The following ZNF107 variants were observed in gnomAD, a reference collection of about 807,000 sequenced individuals.
ZNF107 encodes the protein zinc finger protein 107.
In ZNF107, 19 loss-of-function variants were observed where a neutral mutation model predicts 12.3. That is an observed-to-expected ratio of 1.55 (90% confidence interval 1.08 to 2.27). ZNF107 has a LOEUF of 2.27. ZNF107 is among the 30% of genes most tolerant of loss of function. The probability of loss-of-function intolerance (pLI) is 0.00; values close to 1 mark genes in which losing one functional copy is unlikely to be tolerated. For missense variants in ZNF107, 958 were observed against 979.9 expected (o/e 0.98, Z 0.30); for synonymous variants, 317 against 330.5 (o/e 0.96, Z 0.44).
At chr7:64,678,780 A>G (rs1789529004) in intron 1 of ZNF107, among the ~76,000 whole-genome samples, 1 of 152,136 alleles carries the variant, frequency 6.6e-6, no homozygotes, top group Non-Finnish European at 1.5e-5. Flanking sequence ...TAGAGATAAT[A>G]TTAGGGAAGC....
chr7:64,702,790 C>T (rs1303985897), intron 3 of ZNF107, among the ~76,000 whole-genome samples: 1 of 151,354 alleles, frequency 6.6e-6, no homozygotes, highest in Non-Finnish European at 1.5e-5. Flanking sequence ...CTCTCCCGAC[C>T]TCAGGTGATT....
At chr7:64,667,955 A>AC in intron 1 of ZNF107, among the ~76,000 whole-genome samples, 2 of 151,378 alleles carry the variant, frequency 1.3e-5, no homozygotes, top group East Asian at 3.9e-4. Context: ...AGAAGACAAA[A>AC]AAAAAAAAAA....
chr7:64,697,547 T>A (rs779538690), intron 3 of ZNF107, among the ~76,000 whole-genome samples: 1 of 152,232 alleles, frequency 6.6e-6, no homozygotes, highest in Non-Finnish European at 1.5e-5. Context: ...CTTCAGCCTT[T>A]TGGCTTTTGT....
At chr7:64,666,662 G>T (rs1016215599) in intron 1 of ZNF107, among the ~76,000 whole-genome samples, 6 of 152,192 alleles carry the variant, frequency 3.9e-5, no homozygotes, top group African/African-American at 1.4e-4. Flanking sequence ...CGGGGTTCAT[G>T]AATGGGAAAA....
At position 64,691,882 on chromosome 7, in the gene ZNF107, C is replaced by G; in HGVS notation, c.148C>G (p.Pro50Ala). 1 of 1,488,066 alleles carries G rather than the reference C, an allele frequency of 6.7e-7. No individual in the cohort carries two copies. Among genetic ancestry groups the G allele is most frequent in the Non-Finnish European group, 8.9e-7 (1 of 1,126,028 alleles). 92.2% of individuals were successfully genotyped at this position (1,488,066 alleles called of 1,614,324 possible). ...TAAAACAGGTATTGCTGTCTCTAAG[C>G]CATATCTGATCACCTGTCTGGAGCA... Reference protein sequence around the residue: ...LVFLGIAVSKPYLITCLEQKK... With the variant: ...LVFLGIAVSKAYLITCLEQKK... Residue 50 changes from proline to alanine, a missense_variant, in exon 3 of 4, where the codon CCA becomes GCA. By Grantham distance (27) the Pro-to-Ala change is conservative. Transcript: ENST00000620827.
At chr7:64,695,478 A>G (rs1338254769) in intron 3 of ZNF107, among the ~76,000 whole-genome samples, 3 of 152,166 alleles carry the variant, frequency 2.0e-5, no homozygotes, top group Non-Finnish European at 4.4e-5. Flanking sequence ...GTAGTTCCAT[A>G]TTAGTGTGGT....
At chr7:64,667,765 A>G (rs1301173131) in intron 1 of ZNF107, among the ~76,000 whole-genome samples, 1 of 152,034 alleles carries the variant, frequency 6.6e-6, no homozygotes, top group East Asian at 1.9e-4. Flanking sequence ...CTCCTGGTAT[A>G]CCCTTCCTTT....
At chr7:64,671,735 A>C (rs1378004549) in intron 1 of ZNF107, among the ~76,000 whole-genome samples, 1 of 151,272 alleles carries the variant, frequency 6.6e-6, no homozygotes, top group Non-Finnish European at 1.5e-5. Flanking sequence ...TCGCTGAGAT[A>C]CTAAGCATAG....
rs1488077395 is a variant in ZNF107, at chr7:64,706,643, T to G, written c.546T>G (p.Phe182Leu). Reference protein sequence around the residue: ...HFKCKECSKSFCVLSQLTQHR... With the variant: ...HFKCKECSKSLCVLSQLTQHR... ...AATGTAAAGAATGTAGCAAATCATT[T>G]TGCGTGCTTTCACAACTAACTCAGC... The change falls in exon 4 of 4, where the codon TTT becomes TTG. Residue 182 changes from phenylalanine to leucine, a missense_variant. Coordinates refer to ENST00000620827, the MANE Select transcript of ZNF107 (RefSeq NM_001282359.2). 6.2e-7 allele frequency: 1 copy of G among 1,613,392 alleles called. No individual in the cohort carries two copies. Among genetic ancestry groups the G allele is most frequent in the Non-Finnish European group, 8.5e-7 (1 of 1,179,662 alleles).
chr7:64,675,963 T>C (rs1248745577), intron 1 of ZNF107, among the ~76,000 whole-genome samples: 2 of 152,192 alleles, frequency 1.3e-5, no homozygotes, highest in Non-Finnish European at 2.9e-5. Context: ...AGTGATTCTG[T>C]GCCTCAGCCT....
intron 3 of ZNF107, among the ~76,000 whole-genome samples, chr7:64,705,631 T>C (rs1425995111): frequency 1.3e-5 from 2 of 151,924 alleles, no homozygotes; most frequent in African/African-American, 2.4e-5. Context: ...CCATTTGTCT[T>C]GAGTAGTGAT....
intron 1 of ZNF107, chr7:64,686,849 A>C: frequency 1.0e-6 from 1 of 974,224 alleles, no homozygotes; most frequent in Non-Finnish European, 1.2e-6. Context: ...GATTCAGCCC[A>C]CTAACACCCA....
At chr7:64,702,693 G>A (rs1234138341) in intron 3 of ZNF107, among the ~76,000 whole-genome samples, 1 of 152,048 alleles carries the variant, frequency 6.6e-6, no homozygotes, top group African/African-American at 2.4e-5. Context: ...GAGTAGCTGG[G>A]ATTACAGACA....
At position 64,707,739 on chromosome 7, in the gene ZNF107, C is replaced by T. The variant is rs144563988; in HGVS notation, c.1642C>T (p.Arg548Ter). The change falls in exon 4 of 4, where the codon CGA (arginine) becomes TGA (stop). Residue 548 changes from arginine (R) to a stop codon, truncating the protein, a stop_gained. Transcript: ENST00000620827. LOFTEE classifies it low-confidence loss of function (END_TRUNC). ...TGAGGAATGTGGCAAAGCTTTTAAC[C>T]GATTCTCAACCCTTACTAAACATAA... ...KCEECGKAFN[R>*]FSTLTKHKRI... 20 of 1,612,290 alleles carry T rather than the reference C, an allele frequency of 1.2e-5. No individual in the cohort carries two copies. Among genetic ancestry groups the T allele is most frequent in the East Asian group, 8.9e-5 (4 of 44,802 alleles).
rs565834888 is a variant in ZNF107 at position 64,710,258 on chromosome 7, A to G, written c.*1602A>G. On this transcript the variant is annotated 3_prime_UTR_variant, in exon 4 of 4. Transcript: ENST00000620827. ...TTGCACTAGAGGAAAACCATGAAGC[A>G]GTTGCTCAAATGTTGTTCAACACCA... 3.7e-4 allele frequency: 56 copies of G among 152,418 alleles called. No homozygotes were observed. The highest frequency in any genetic ancestry group is 1.2e-3 in the African/African-American group (50 of 41,592). 9.4% of individuals were successfully genotyped at this position (152,418 alleles called of 1,614,324 possible). A position where few individuals can be genotyped will look rare whatever the true frequency, so the allele number is the denominator to read the frequency against.
Position 64,706,688 on chromosome 7 carries a change from A to G in ZNF107, c.591A>G (p.Arg197=). 5 of 1,612,956 alleles carry G rather than the reference A, an allele frequency of 3.1e-6. No homozygotes were observed. Among genetic ancestry groups the G allele is most frequent in the Non-Finnish European group, 4.2e-6 (5 of 1,179,558 alleles). ...CTCAGCATAGAAGAATTCATACTAG[A>G]GTGAATTCCTACAAATGTGAAGAAT... ...QLTQHRRIHT[R]VNSYKCEECG... Residue 197 remains arginine, a synonymous_variant, in exon 4 of 4, where the codon AGA becomes AGG. Coordinates refer to ENST00000620827, the MANE Select transcript of ZNF107 (RefSeq NM_001282359.2).
chr7:64,694,939 C>T (rs1790238249), intron 3 of ZNF107, among the ~76,000 whole-genome samples: 1 of 152,000 alleles, frequency 6.6e-6, no homozygotes, highest in Non-Finnish European at 1.5e-5. Flanking sequence ...TTTGAGCTAG[C>T]TGTCGTTATA....
chr7:64,670,574 G>A (rs1384335668), intron 1 of ZNF107, among the ~76,000 whole-genome samples: 1 of 152,200 alleles, frequency 6.6e-6, no homozygotes, highest in Admixed American at 6.5e-5. Context: ...TATGCAGAGT[G>A]AGTGTTTGGT....
At position 64,707,273 on chromosome 7, in the gene ZNF107, G is replaced by GT; in HGVS notation, c.1176_1177insT (p.Glu393Ter). On this transcript the variant is annotated frameshift_variant, in exon 4 of 4. Coordinates refer to ENST00000620827, the MANE Select transcript of ZNF107 (RefSeq NM_001282359.2). LOFTEE classifies it low-confidence loss of function (END_TRUNC). Reference sequence around the variant, plus strand: ...TTACTGCACATAAGAAAATTCTAATGGAAGAGAAACCCTACAAATGTGAAG... The same window carrying GT: ...TTACTGCACATAAGAAAATTCTAATGTGAAGAGAAACCCTACAAATGTGAAG... 1 of 1,603,940 alleles carries GT rather than the reference G, an allele frequency of 6.2e-7. No homozygotes were observed. Among genetic ancestry groups the GT allele is most frequent in the Non-Finnish European group, 8.5e-7 (1 of 1,176,308 alleles).
Sources: allele counts gnomAD v4.1 joint callset (sites outside exome capture counted in the v4.1 genomes callset), GRCh38; gene constraint gnomAD v4.1.1; transcripts MANE v1.5; gene names NCBI Gene and HGNC (gene_info 2026-07-23, HGNC 2026-07-21).